Variants in POLG observed in about 807,000 individuals in gnomAD.
POLG encodes DNA polymerase gamma, catalytic subunit.
Under a neutral mutation model 155.4 loss-of-function variants are expected in POLG, and 110 were observed. The observed-to-expected ratio is 0.71, with a 90% CI of 0.61 to 0.83. The LOEUF is 0.83. POLG is among the 40% of genes least tolerant of loss of function. The pLI, the probability that POLG is intolerant of heterozygous loss-of-function variation, is 0.00. For synonymous variants in POLG, 701 were observed against 631.5 expected (o/e 1.11, Z -1.65); for missense variants, 1,685 against 1,627.5 (o/e 1.04, Z -0.61).
chr15:89,319,684 C>CA (rs2055365794), intron 18 of POLG, among the ~76,000 whole-genome samples: 1 of 152,178 alleles, frequency 6.6e-6, no homozygotes, highest in South Asian at 2.1e-4. Context: ...CAATGACCAA[C>CA]ACGGGCCTTT....
At position 89,318,695 on chromosome 15, in the gene POLG, G is replaced by A. The variant is rs2152058760; in HGVS notation, c.3328C>T (p.His1110Tyr). Residue 1110 changes from histidine to tyrosine, a missense_variant, in exon 21 of 23, where the codon CAC becomes TAC. His to Tyr is a moderately conservative substitution (Grantham distance 83, BLOSUM62 2). Coordinates refer to ENST00000268124, the MANE Select transcript of POLG (RefSeq NM_002693.3). The stretch of plus-strand genomic sequence containing the variant: ...CACTTCATGGCCACAAGCATGAGGT[G>A]TAAGTAGTCAACAGCAGAGCTCTGT... ...VVQSSAVDYL[H>Y]LMLVAMKWLF... 1.2e-6 allele frequency: 2 copies of A among 1,614,238 alleles called. No homozygotes were observed. The highest frequency in any genetic ancestry group is 1.7e-6 in the Non-Finnish European group (2 of 1,180,036).
chr15:89,326,903 G>A lies in POLG; in HGVS notation c.1585+9C>T, dbSNP rs2055528626. ...CTACCCTACCCTACCTCCCACCCAT[G>A]CTCCCCACCTTCCTGATCCATGGGA... On this transcript the variant is annotated intron_variant, in intron 8 of 22. Transcript: ENST00000268124. 1 of 1,613,788 alleles carries A rather than the reference G, an allele frequency of 6.2e-7. No homozygotes were observed.
At chr15:89,321,338 G>T in intron 16 of POLG, 78 bp from the exon 17 acceptor site, 2 of 1,529,434 alleles carry the variant, frequency 1.3e-6, no homozygotes, top group Non-Finnish European at 1.8e-6. Flanking sequence ...GAAAGAGCTA[G>T]AGCCTTTCCT....
At chr15:89,328,629 G>A in intron 5 of POLG, 56 bp downstream of exon 5, 2 of 1,607,998 alleles carry the variant, frequency 1.2e-6, no homozygotes, top group Admixed American at 3.3e-5. Flanking sequence ...ATCTCCCCAA[G>A]TGCAGCTAGG....
intron 2 of POLG, among the ~76,000 whole-genome samples, chr15:89,330,793 G>C (rs185995169): frequency 7.1e-4 from 108 of 151,068 alleles, no homozygotes; most frequent in Non-Finnish European, 1.1e-3. Flanking sequence ...TCTCACGGCT[G>C]AAAAGATTCT....
chr15:89,332,778 G>A (rs770494513), intron 2 of POLG, among the ~76,000 whole-genome samples: 1 of 152,110 alleles, frequency 6.6e-6, no homozygotes, highest in African/African-American at 2.4e-5. Flanking sequence ...TTCTCATGAC[G>A]CTATTAGGAG....
chr15:89,318,231 T>G (rs1050053268), intron 21 of POLG, among the ~76,000 whole-genome samples: 4 of 152,192 alleles, frequency 2.6e-5, no homozygotes, highest in Non-Finnish European at 5.9e-5. Context: ...AAGGCTTCTG[T>G]CATTTGATTT....
chr15:89,327,894 TCTC>T (rs578109210), intron 6 of POLG, among the ~76,000 whole-genome samples: 3 of 152,132 alleles, frequency 2.0e-5, no homozygotes, highest in Non-Finnish European at 4.4e-5. Flanking sequence ...AAACATATTT[TCTC>T]CTCATGATTT....
At chr15:89,334,142 AAG>A (rs972239991) in intron 1 of POLG, 12 of 341,202 alleles carry the variant, frequency 3.5e-5, no homozygotes, top group African/African-American at 2.4e-4. Context: ...GGCAGCGAGT[AAG>A]AGAGCAGTAT....
intron 11 of POLG, 32 bp downstream of exon 11, chr15:89,324,075 C>T: frequency 1.2e-6 from 2 of 1,613,700 alleles, no homozygotes; most frequent in South Asian, 2.2e-5. Flanking sequence ...GACCTCCCCT[C>T]CCCAAAGCTC....
At chr15:89,330,832 G>T (rs2055584868) in intron 2 of POLG, among the ~76,000 whole-genome samples, 1 of 152,128 alleles carries the variant, frequency 6.6e-6, no homozygotes, top group African/African-American at 2.4e-5. Flanking sequence ...CACACACCTT[G>T]GAGAAGCAAC....
In POLG at chr15:89,324,233, C is replaced by A. The variant is rs756284239; in HGVS notation, c.1950-6G>T. The A allele has an allele frequency of 6.2e-7, 1 of 1,611,964 alleles. No homozygotes were observed. The highest frequency in any genetic ancestry group is 8.5e-7 in the Non-Finnish European group (1 of 1,180,014). On this transcript the variant is annotated splice_polypyrimidine_tract_variant and splice_region_variant and intron_variant, in intron 10 of 22. Coordinates refer to ENST00000268124, the MANE Select transcript of POLG (RefSeq NM_002693.3). ...TGTACAGGGACTCGATGGCTCTGGG[C>A]AGAGAACAGTAGCAGCAGCAGCCGC...
chr15:89,328,530 C>G lies in POLG; in HGVS notation c.1176G>C (p.Leu392=). 3 of 1,613,840 alleles carry G rather than the reference C, an allele frequency of 1.9e-6. No homozygotes were observed. The highest frequency in any genetic ancestry group is 2.5e-6 in the Non-Finnish European group (3 of 1,179,966). ...MKDIRENFQD[L]MQYCAQDVWA... Reference sequence around the variant, plus strand: ...ACACGTCCTGGGCACAGTACTGCATCAGGTCCTGGCACAAGGTGACAGGAA... The same window carrying G: ...ACACGTCCTGGGCACAGTACTGCATGAGGTCCTGGCACAAGGTGACAGGAA... Residue 392 remains leucine, a synonymous_variant, in exon 6 of 23, where the codon CTG becomes CTC. Transcript: ENST00000268124.
In POLG at chr15:89,328,394, A is replaced by G. The variant is rs2055550595; in HGVS notation, c.1250+62T>C. The G allele has an allele frequency of 6.0e-6, 8 of 1,323,472 alleles. No homozygotes were observed. The South Asian group carries it at 8.4e-5, about 14-fold the overall frequency. 82.0% of individuals were successfully genotyped at this position (1,323,472 alleles called of 1,614,324 possible). ...GATAGAACCAGCGCCACCTGATTAC[A>G]GTGGGCCCGGGTACCAGGAACACAC... On this transcript the variant is annotated intron_variant, in intron 6 of 22. Coordinates refer to ENST00000268124, the MANE Select transcript of POLG (RefSeq NM_002693.3).
chr15:89,325,454 A>T lies in POLG; in HGVS notation c.1945T>A (p.Tyr649Asn). ...TLESAGVVCP[Y>N]RAIESLYRKH... Reference sequence around the variant, plus strand: ...TCCCCTGGGCCTAAGCCTTACCTGTAGGGGCAGACCACCCCAGCTGACTCC... The same window carrying T: ...TCCCCTGGGCCTAAGCCTTACCTGTTGGGGCAGACCACCCCAGCTGACTCC... Residue 649 changes from tyrosine (Y) to asparagine (N), a missense_variant, in exon 10 of 23, where the codon TAC becomes AAC. Coordinates refer to ENST00000268124, the MANE Select transcript of POLG (RefSeq NM_002693.3). 2 of 1,598,472 alleles carry T rather than the reference A, an allele frequency of 1.3e-6. No homozygotes were observed. The highest frequency in any genetic ancestry group is 4.5e-5 in the East Asian group (2 of 44,856).
At chr15:89,320,070 C>T (rs887441708) in intron 18 of POLG, among the ~76,000 whole-genome samples, 3 of 152,342 alleles carry the variant, frequency 2.0e-5, no homozygotes, top group African/African-American at 7.2e-5. Context: ...ATCCACTGGA[C>T]GATACTCAGC....
In POLG at chr15:89,329,969, AGCAAAG is replaced by A. The variant is rs1464205201; in HGVS notation, c.855+106_855+111del. ...GTCAACAGATGCGCCTTGCGGCTTC[AGCAAAG>A]GCAACAGAGACACGTGCCAGGAAAG... On this transcript the variant is annotated intron_variant, in intron 3 of 22. Transcript: ENST00000268124. 3 of 933,176 alleles carry A rather than the reference AGCAAAG, an allele frequency of 3.2e-6. No homozygotes were observed. In the Admixed American group the frequency reaches 5.5e-5, roughly 17 times the overall value. 57.8% of individuals were successfully genotyped at this position (933,176 alleles called of 1,614,324 possible). A position where few individuals can be genotyped will look rare whatever the true frequency, so the allele number is the denominator to read the frequency against.
At position 89,327,301 on chromosome 15, in the gene POLG, G is replaced by A; in HGVS notation, c.1299C>T (p.Ser433=). 6.2e-7 allele frequency: 1 copy of A among 1,614,106 alleles called. No individual in the cohort carries two copies. Among genetic ancestry groups the A allele is most frequent in the African/African-American group, 1.3e-5 (1 of 75,062 alleles). The change falls in exon 7 of 23, where the codon TCC becomes TCT. Residue 433 remains serine, a synonymous_variant. Coordinates refer to ENST00000268124, the MANE Select transcript of POLG (RefSeq NM_002693.3). The part of the protein sequence containing the change: ...TLAGMLEMGV[S]YLPVNQNWER... ...CCCAGTTCTGGTTGACAGGCAGGTA[G>A]GAGACACCCATCTCCAGCATGCCGG...
In POLG at chr15:89,317,395, C is replaced by G; in HGVS notation, c.3624G>C (p.Arg1208Ser). The change falls in exon 22 of 23, where the codon AGG becomes AGC. Residue 1208 changes from arginine (R) to serine (S), a missense_variant. Transcript: ENST00000268124. ...GCTCACCCTGGGGAATCCCGTATCT[C>G]CTTTCCATCCCAGTTGGGTTGGAAG... ...KTPSNPTGME[R>S]RYGIPQGEAL... The G allele has an allele frequency of 6.2e-7, 1 of 1,614,138 alleles. No homozygotes were observed. Among genetic ancestry groups the G allele is most frequent in the Non-Finnish European group, 8.5e-7 (1 of 1,180,018 alleles).
Sources: allele counts gnomAD v4.1 joint callset (sites outside exome capture counted in the v4.1 genomes callset), GRCh38; gene constraint gnomAD v4.1.1; transcripts MANE v1.5; gene names NCBI Gene and HGNC (gene_info 2026-07-23, HGNC 2026-07-21).